Variants in AKAP10 observed in about 807,000 individuals in gnomAD.
The protein encoded by AKAP10 is A-kinase anchor protein 10, mitochondrial.
Under a neutral mutation model 80.8 loss-of-function variants are expected in AKAP10, and 24 were observed. The observed-to-expected ratio is 0.30, with a 90% CI of 0.22 to 0.42. The LOEUF (loss-of-function observed/expected upper bound fraction) is 0.42. AKAP10 is among the 10% of genes least tolerant of loss of function. AKAP10 has a pLI of 1.00. For synonymous variants in AKAP10, 291 were observed against 277.7 expected, an observed-to-expected ratio of 1.05 and a Z score of -0.48; for missense variants, 661 against 794.9, an observed-to-expected ratio of 0.83 and a Z score of 2.03.
intron 1 of AKAP10, among the ~76,000 whole-genome samples, chr17:19,968,858 G>C (rs2043457945): frequency 6.6e-6 from 1 of 152,146 alleles, no homozygotes; most frequent in South Asian, 2.1e-4. Context: ...ATACCTGTAA[G>C]GGGCTTAGAA....
chr17:19,969,911 G>A (rs1319986796), intron 1 of AKAP10, among the ~76,000 whole-genome samples: 1 of 152,176 alleles, frequency 6.6e-6, no homozygotes, highest in Non-Finnish European at 1.5e-5. Context: ...AGCAGCATCT[G>A]CCCATGGACT....
Position 19,950,957 on chromosome 17 carries a change from C to T in AKAP10, c.878-3452G>A, listed in dbSNP as rs561680803. On this transcript the variant is annotated intron_variant, in intron 4 of 14. Coordinates refer to ENST00000225737, the MANE Select transcript of AKAP10 (RefSeq NM_007202.4). ...GATGGGAGGAGCGCCTCTGCCCGGC[C>T]GCGACCCCGTCTGGGAACTGAGGAG... 2.8e-3 allele frequency among the ~76,000 whole-genome samples: 378 copies of T among 136,034 alleles called. 1 individual carries two copies. Among genetic ancestry groups the T allele is most frequent in the African/African-American group, 9.7e-3 (355 of 36,672 alleles). 89.2% of individuals were successfully genotyped at this position (136,034 alleles called of 152,430 possible). A position where few individuals can be genotyped will look rare whatever the true frequency, so the allele number is the denominator to read the frequency against.
intron 1 of AKAP10, among the ~76,000 whole-genome samples, chr17:19,976,968 T>C (rs981968136): frequency 3.9e-5 from 6 of 152,192 alleles, no homozygotes; most frequent in Admixed American, 2.0e-4. Context: ...TACGTAAACA[T>C]TGGGCAGGTA....
chr17:19,962,375 G>C (rs975153663), intron 3 of AKAP10, among the ~76,000 whole-genome samples: 3 of 151,950 alleles, frequency 2.0e-5, no homozygotes, highest in Admixed American at 6.6e-5. Flanking sequence ...GTCTTAGAAA[G>C]AGTGGCCTAA....
intron 10 of AKAP10, 37 bp from the exon 11 acceptor site, chr17:19,924,554 C>G: frequency 7.1e-7 from 1 of 1,415,304 alleles, no homozygotes; most frequent in Non-Finnish European, 9.8e-7. Flanking sequence ...GTATATGAAA[C>G]AATCAGTCCT....
At position 19,947,394 on chromosome 17, in the gene AKAP10, A is replaced by G; in HGVS notation, c.976+13T>C. ...GTCATTTTTTTTTTGCCATAGTTTCAAGCACTGCTTACCTATGATGTCATT... is the reference window on the plus strand; with the variant it reads ...GTCATTTTTTTTTTGCCATAGTTTCGAGCACTGCTTACCTATGATGTCATT... On this transcript the variant is annotated intron_variant, in intron 5 of 14. Coordinates refer to ENST00000225737, the MANE Select transcript of AKAP10 (RefSeq NM_007202.4). 2 of 1,578,668 alleles carry G rather than the reference A, an allele frequency of 1.3e-6. No homozygotes were observed. Among genetic ancestry groups the G allele is most frequent in the Non-Finnish European group, 8.7e-7 (1 of 1,152,290 alleles).
chr17:19,947,580 C>T, intron 4 of AKAP10, 75 bp from the exon 5 acceptor site: 1 of 983,058 alleles, frequency 1.0e-6, no homozygotes. Context: ...TCATGAATAG[C>T]AGGGCTTAGA....
Position 19,909,933 on chromosome 17 carries a change from G to C in AKAP10, c.1880C>G (p.Thr627Ser). 1 of 1,613,676 alleles carries C rather than the reference G, an allele frequency of 6.2e-7. No homozygotes were observed. The highest frequency in any genetic ancestry group is 8.5e-7 in the Non-Finnish European group (1 of 1,179,774). Residue 627 changes from threonine to serine, a missense_variant, in exon 13 of 15, where the codon ACT (threonine) becomes AGT (serine). Coordinates refer to ENST00000225737, the MANE Select transcript of AKAP10 (RefSeq NM_007202.4). ...QAMKKWVQGN[T>S]DEAQEELAWK... is the part of the protein sequence containing the mutation. The stretch of plus-strand genomic sequence containing the variant: ...CCTAAAGGTAGGATTTACCTCATCA[G>C]TATTTCCTTGCACCCATTTCTTCAT...
chr17:19,965,428 C>T (rs1464358950), intron 2 of AKAP10, among the ~76,000 whole-genome samples: 1 of 152,180 alleles, frequency 6.6e-6, no homozygotes, highest in African/African-American at 2.4e-5. Context: ...ATACTTACAG[C>T]ATCAATATCT....
chr17:19,928,633 T>C (rs1597497577), intron 10 of AKAP10, among the ~76,000 whole-genome samples: 1 of 152,148 alleles, frequency 6.6e-6, no homozygotes, highest in Middle Eastern at 3.2e-3. Flanking sequence ...TCCCAGCACT[T>C]TGGGAGGCCG....
At chr17:19,940,288 A>T (rs1193530197) in intron 7 of AKAP10, among the ~76,000 whole-genome samples, 2 of 152,232 alleles carry the variant, frequency 1.3e-5, no homozygotes, top group African/African-American at 4.8e-5. Context: ...TCAACTGAGT[A>T]CCTGTATTCT....
At position 19,962,756 on chromosome 17, in the gene AKAP10, T is replaced by C. The variant is rs1188006438; in HGVS notation, c.319+84A>G. 5.8e-6 allele frequency: 8 copies of C among 1,375,778 alleles called. No homozygotes were observed. In the African/African-American group the frequency reaches 1.0e-4, roughly 18 times the overall value. 85.2% of individuals were successfully genotyped at this position (1,375,778 alleles called of 1,614,324 possible). On this transcript the variant is annotated intron_variant, in intron 3 of 14. Transcript: ENST00000225737. ...TTTTCCAAAGCACTTTCCAATTATA[T>C]AGTTCTGTATCCTATGACAGAAGTT... is the stretch of plus-strand genomic sequence containing the variant.
At chr17:19,958,707 A>T in intron 3 of AKAP10, 136 bp from the exon 4 acceptor site, 3 of 686,210 alleles carry the variant, frequency 4.4e-6, no homozygotes, top group Non-Finnish European at 6.9e-6. Flanking sequence ...AAAGTAAATA[A>T]AAAAACTACA....
intron 12 of AKAP10, among the ~76,000 whole-genome samples, chr17:19,912,055 T>C (rs80122802): frequency 0.012 from 1,872 of 152,264 alleles, 35 homozygotes; most frequent in African/African-American, 0.043. Context: ...GTCTCTTAGA[T>C]GATTTTAATG....
intron 4 of AKAP10, among the ~76,000 whole-genome samples, chr17:19,949,460 G>C (rs547743647): frequency 6.6e-6 from 1 of 152,062 alleles, no homozygotes; most frequent in Non-Finnish European, 1.5e-5. Context: ...AAGAGAAAAA[G>C]TGCAATGTCA....
intron 4 of AKAP10, among the ~76,000 whole-genome samples, chr17:19,956,332 T>C (rs2043275309): frequency 6.6e-6 from 1 of 152,048 alleles, no homozygotes; most frequent in Non-Finnish European, 1.5e-5. Context: ...CCAAGAAACA[T>C]GTTCACGGCC....
intron 12 of AKAP10, among the ~76,000 whole-genome samples, chr17:19,917,424 C>G (rs2042757706): frequency 6.6e-6 from 1 of 152,170 alleles, no homozygotes; most frequent in Non-Finnish European, 1.5e-5. Flanking sequence ...GGCACTTCCT[C>G]TGTTCTAAAA....
chr17:19,927,005 CCCAGCTACTCG>C (rs1462596188), intron 10 of AKAP10, among the ~76,000 whole-genome samples: 1 of 152,112 alleles, frequency 6.6e-6, no homozygotes, highest in Admixed American at 6.6e-5. Context: ...TGCCTGTAAT[CCCAGCTACTCG>C]GGAGGCTGAA....
intron 4 of AKAP10, among the ~76,000 whole-genome samples, chr17:19,949,782 A>AG (rs1491556473): frequency 6.9e-4 from 31 of 44,864 alleles, no homozygotes; most frequent in African/African-American, 2.1e-3. Flanking sequence ...AAAAAAAGAG[A>AG]AAAAAAAAAA....
Sources: allele counts gnomAD v4.1 joint callset (sites outside exome capture counted in the v4.1 genomes callset), GRCh38; gene constraint gnomAD v4.1.1; transcripts MANE v1.5; gene names NCBI Gene and HGNC (gene_info 2026-07-23, HGNC 2026-07-21).